TRIM14: variants seen among roughly 807,000 people sequenced by gnomAD.
TRIM14 encodes the protein tripartite motif-containing protein 14.
TRIM14 carries 28 observed loss-of-function variants against 44.5 expected under a neutral mutation model. That is an observed-to-expected ratio of 0.63 (90% CI 0.47 to 0.86). TRIM14 has a LOEUF of 0.86. Ranked by LOEUF, TRIM14 falls within the 40% of genes least tolerant of loss-of-function variation. The pLI is 0.00. For missense variants in TRIM14, 607 were observed against 611.1 expected (o/e 0.99, Z 0.07); for synonymous variants, 299 against 269.2 (o/e 1.11, Z -1.08).
chr9:98,072,745 A>G (rs1829399549), intron 6 of TRIM14, among the ~76,000 whole-genome samples: 1 of 152,050 alleles, frequency 6.6e-6, no homozygotes, highest in African/African-American at 2.4e-5. Context: ...ACGAGAGTTA[A>G]TTTACCTTGC....
In TRIM14 at chr9:98,091,955, G is replaced by A; in HGVS notation, c.747C>T (p.Thr249=). 1 of 1,610,772 alleles carries A rather than the reference G, an allele frequency of 6.2e-7. No individual in the cohort carries two copies. The highest frequency in any genetic ancestry group is 8.5e-7 in the Non-Finnish European group (1 of 1,177,652). Residue 249 remains threonine (T), a synonymous_variant, in exon 5 of 6, where the codon ACC becomes ACT. Transcript: ENST00000341469. ...CTGGTGAGGGGCTGGTTTTCAACAA[G>A]GTACCTGGCTTGGTGCTGGAAGGGT... The part of the protein sequence containing the change: ...LSDPSSTKPG[T]LLKTSPSPER...
intron 6 of TRIM14, chr9:98,077,045 C>T (rs768207424): frequency 5.9e-6 from 9 of 1,534,956 alleles, no homozygotes; most frequent in Non-Finnish European, 7.2e-6. Flanking sequence ...GACTTAAAAT[C>T]GAAGGGAGTC....
intron 6 of TRIM14, among the ~76,000 whole-genome samples, chr9:98,078,771 G>A (rs1262376191): frequency 1.3e-5 from 2 of 149,014 alleles, no homozygotes; most frequent in African/African-American, 2.5e-5. Context: ...GGAGGCAGAG[G>A]TTGCAGTGAG....
the TRIM14 span, among the ~76,000 whole-genome samples, chr9:98,055,728 T>A: frequency 1.3e-5 from 2 of 152,100 alleles, no homozygotes; most frequent in East Asian, 1.9e-4. Context: ...TCTTATTTTT[T>A]AAATTAATTA....
rs139482817 is a variant in TRIM14 at position 98,098,423 on chromosome 9, C to T, written c.537+1508G>A. On this transcript the variant is annotated intron_variant, in intron 3 of 5. Transcript: ENST00000341469. ...TTCCACGGTTCCCTAAAGACAGGAA[C>T]ACCATCGGCCGGGTGCGGTGGCTCA... 1.5e-3 allele frequency among the ~76,000 whole-genome samples: 227 copies of T among 152,258 alleles called. 2 individuals are homozygous for T. Among genetic ancestry groups the T allele is most frequent in the Middle Eastern group, 0.01 (3 of 294 alleles).
the TRIM14 span, among the ~76,000 whole-genome samples, chr9:98,051,229 T>A: frequency 3.3e-5 from 5 of 152,326 alleles, no homozygotes; most frequent in Middle Eastern, 3.4e-3. Context: ...CACCAAGTGT[T>A]TGGAGTATTC....
intron 6 of TRIM14, chr9:98,076,678 C>T: frequency 6.4e-6 from 3 of 468,008 alleles, no homozygotes; most frequent in Non-Finnish European, 1.1e-5. Flanking sequence ...TTTCCAGATT[C>T]CTGTAGCCAG....
chr9:98,082,697 A>C, downstream of TRIM14: 1 of 644,424 alleles, frequency 1.6e-6, no homozygotes, highest in Non-Finnish European at 2.7e-6. Flanking sequence ...GCCATGTATG[A>C]GATATTCTGA....
the TRIM14 span, among the ~76,000 whole-genome samples, chr9:98,056,496 C>A: frequency 6.6e-6 from 1 of 152,090 alleles, no homozygotes. Context: ...CCTGGGTGCA[C>A]GCACGGATAC....
the TRIM14 span, among the ~76,000 whole-genome samples, chr9:98,063,890 G>A: frequency 6.6e-6 from 1 of 151,794 alleles, no homozygotes; most frequent in African/African-American, 2.4e-5. Flanking sequence ...TCTTTTCTCT[G>A]TTTGGGGTTG....
intron 1 of TRIM14, among the ~76,000 whole-genome samples, chr9:98,110,982 TG>T (rs1271375275): frequency 1.3e-5 from 2 of 151,108 alleles, no homozygotes; most frequent in Non-Finnish European, 2.9e-5. Flanking sequence ...CCCAGGAGGT[TG>T]CAGTGAGCCA....
At chr9:98,081,370 C>T (rs1280953100), downstream of TRIM14, 3 of 423,412 alleles carry the variant, frequency 7.1e-6, no homozygotes, top group Non-Finnish European at 1.3e-5. Context: ...GGCCCCAGTA[C>T]TCCTAGACTC....
intron 6 of TRIM14, among the ~76,000 whole-genome samples, chr9:98,073,708 A>G (rs748601921): frequency 6.6e-6 from 1 of 152,042 alleles, no homozygotes; most frequent in Non-Finnish European, 1.5e-5. Context: ...AGCAGTTCCC[A>G]GAGTGTCCCA....
intron 6 of TRIM14, chr9:98,078,002 GC>G (rs999571767): frequency 2.8e-6 from 2 of 709,416 alleles, no homozygotes; most frequent in Admixed American, 3.0e-5. Context: ...GCAGAGGGGA[GC>G]CCACCTTTCC....
downstream of TRIM14, among the ~76,000 whole-genome samples, chr9:98,066,373 C>A (rs372208611): frequency 2.6e-5 from 4 of 152,152 alleles, no homozygotes; most frequent in African/African-American, 9.7e-5. Flanking sequence ...GTGGAGTTTT[C>A]CAGAGGCTAG....
chr9:98,114,293 A>C (rs975017523), intron 1 of TRIM14, among the ~76,000 whole-genome samples: 3 of 152,190 alleles, frequency 2.0e-5, no homozygotes, highest in African/African-American at 7.2e-5. Context: ...AGTCAATTTC[A>C]TCTTTGACCG....
intron 6 of TRIM14, among the ~76,000 whole-genome samples, chr9:98,073,257 C>G (rs965569531): frequency 6.8e-6 from 1 of 147,912 alleles, no homozygotes; most frequent in Non-Finnish European, 1.5e-5. Flanking sequence ...TTCTCCCCAG[C>G]TCATCACCAT....
rs1023159903 is a variant in TRIM14 at position 98,095,797 on chromosome 9, C to G, written c.538-768G>C. Among the ~76,000 whole-genome samples, 1 of 152,112 alleles carries G rather than the reference C, an allele frequency of 6.6e-6. No homozygotes were observed. Among genetic ancestry groups the G allele is most frequent in the African/African-American group, 2.4e-5 (1 of 41,426 alleles). ...GGACAGCAGTGGTGGGGGCTCTGGT[C>G]AGTGGTGTGAGTGGTGATGTCTTGC... is the stretch of plus-strand genomic sequence containing the variant. On this transcript the variant is annotated intron_variant, in intron 3 of 5. Transcript: ENST00000341469. The surrounding 1 kb of genome is among the most constrained non-coding windows in gnomAD (Gnocchi z 4.1).
At chr9:98,083,915 C>A (rs764245522), downstream of TRIM14, among the ~76,000 whole-genome samples, 1 of 152,134 alleles carries the variant, frequency 6.6e-6, no homozygotes, top group African/African-American at 2.4e-5. Context: ...TTTGTTTACA[C>A]GTAAGTGAGA....
Sources: gnomAD v4.1 joint callset for allele counts (sites outside exome capture counted in the v4.1 genomes callset) on GRCh38, gnomAD v4.1.1 for gene constraint, Gnocchi (gnomAD v3.1) non-coding constraint, MANE v1.5 for transcripts, NCBI Gene and HGNC (gene_info 2026-07-23, HGNC 2026-07-21) for gene names.